PTPRK: variants seen among roughly 807,000 people sequenced by gnomAD.
The protein encoded by PTPRK is protein tyrosine phosphatase receptor type K.
Under a neutral mutation model 178.0 loss-of-function variants are expected in PTPRK, and 75 were observed. The observed-to-expected ratio is 0.42, with a 90% CI of 0.35 to 0.51. The LOEUF (loss-of-function observed/expected upper bound fraction) is 0.51. Among genes scored for constraint, PTPRK ranks in the 20% least tolerant of loss-of-function variants. The pLI is 0.02. For synonymous variants in PTPRK, 637 were observed against 620.6 expected (o/e 1.03, Z -0.39); for missense variants, 1,441 against 1,797.8 (o/e 0.80, Z 3.59).
chr6:128,430,578 T>A (rs1427278383), intron 1 of PTPRK, among the ~76,000 whole-genome samples: 1 of 152,152 alleles, frequency 6.6e-6, no homozygotes, highest in Non-Finnish European at 1.5e-5. Context: ...TGATAACTAG[T>A]GAAGCAGCTT....
chr6:128,334,769 C>A (rs944555662), intron 2 of PTPRK, among the ~76,000 whole-genome samples: 1 of 152,156 alleles, frequency 6.6e-6, no homozygotes, highest in African/African-American at 2.4e-5. Flanking sequence ...TCTCCCCCAT[C>A]ACCCAAATAA....
intron 13 of PTPRK, among the ~76,000 whole-genome samples, chr6:128,050,051 G>T (rs896738233): frequency 1.3e-5 from 2 of 152,082 alleles, no homozygotes; most frequent in African/African-American, 4.8e-5. Flanking sequence ...CAGGAGAATT[G>T]CTTGAACCCA....
At chr6:128,445,601 C>T (rs975236306) in intron 1 of PTPRK, among the ~76,000 whole-genome samples, 1 of 151,696 alleles carries the variant, frequency 6.6e-6, no homozygotes, top group Non-Finnish European at 1.5e-5. Flanking sequence ...GTTCTAATTA[C>T]AGTATACATT....
chr6:128,437,175 C>A (rs978313377), intron 1 of PTPRK, among the ~76,000 whole-genome samples: 3 of 152,076 alleles, frequency 2.0e-5, no homozygotes, highest in Non-Finnish European at 4.4e-5. Flanking sequence ...CTGTATAAGA[C>A]CCAGAACTTA....
chr6:128,032,368 G>A (rs1056351338), intron 13 of PTPRK, among the ~76,000 whole-genome samples: 10 of 152,150 alleles, frequency 6.6e-5, no homozygotes, highest in African/African-American at 2.2e-4. Flanking sequence ...GCCTGCACTA[G>A]TTTAGCCAGT....
intron 7 of PTPRK, among the ~76,000 whole-genome samples, chr6:128,129,238 C>T (rs1170205465): frequency 6.6e-6 from 1 of 152,162 alleles, no homozygotes; most frequent in Non-Finnish European, 1.5e-5. Context: ...ACTGATTTTT[C>T]AGTACCTCTC....
At chr6:128,226,669 A>G (rs1285933091) in intron 5 of PTPRK, among the ~76,000 whole-genome samples, 1 of 150,926 alleles carries the variant, frequency 6.6e-6, no homozygotes, top group Admixed American at 6.6e-5. Flanking sequence ...TGCCTAGCCA[A>G]TCTGCACAAG....
At chr6:128,490,999 T>C (rs1422044323) in intron 1 of PTPRK, among the ~76,000 whole-genome samples, 1 of 152,218 alleles carries the variant, frequency 6.6e-6, no homozygotes, top group Non-Finnish European at 1.5e-5. Flanking sequence ...TACCTCCAAA[T>C]ACAATCACAT....
At chr6:128,095,513 G>A (rs1223490241) in intron 7 of PTPRK, among the ~76,000 whole-genome samples, 3 of 152,142 alleles carry the variant, frequency 2.0e-5, no homozygotes, top group African/African-American at 7.2e-5. Flanking sequence ...GGATGAGGAA[G>A]GGGTTCATTG....
At chr6:128,219,442 C>T (rs1039319089) in intron 5 of PTPRK, among the ~76,000 whole-genome samples, 2 of 152,160 alleles carry the variant, frequency 1.3e-5, no homozygotes, top group Non-Finnish European at 2.9e-5. Context: ...CAGTAGAGTT[C>T]GTGCTCCTAT....
chr6:128,441,732 G>T (rs1846310237), intron 1 of PTPRK, among the ~76,000 whole-genome samples: 1 of 152,190 alleles, frequency 6.6e-6, no homozygotes, highest in African/African-American at 2.4e-5. Flanking sequence ...CAAAAGATTA[G>T]TAATTTAAGA....
At chr6:128,069,027 C>T (rs1269093725) in intron 11 of PTPRK, among the ~76,000 whole-genome samples, 1 of 151,792 alleles carries the variant, frequency 6.6e-6, no homozygotes, top group Non-Finnish European at 1.5e-5. Context: ...AAAATTAAAA[C>T]AGTTTAGACT....
intron 3 of PTPRK, among the ~76,000 whole-genome samples, chr6:128,254,117 T>C (rs188419338): frequency 1.6e-4 from 24 of 152,234 alleles, no homozygotes; most frequent in Admixed American, 1.5e-3. Flanking sequence ...AAAAAATTAG[T>C]TATGGTTGGA....
intron 7 of PTPRK, among the ~76,000 whole-genome samples, chr6:128,117,123 G>C (rs1308058766): frequency 6.6e-6 from 1 of 151,944 alleles, no homozygotes; most frequent in Non-Finnish European, 1.5e-5. Context: ...TCCAGCCTGG[G>C]AGACAGAACA....
At position 128,319,890 on chromosome 6, in the gene PTPRK, AT is replaced by A. The variant is rs753725279; in HGVS notation, c.495+2148del. Among the ~76,000 whole-genome samples, 20 of 152,320 alleles carry A rather than the reference AT, an allele frequency of 1.3e-4. No homozygotes were observed. In the Middle Eastern group the frequency reaches 0.017, roughly 130 times the overall value. On this transcript the variant is annotated intron_variant, in intron 3 of 29. Transcript: ENST00000368226. ...AATTGATAAAAACATCAAACAAGTA[AT>A]TTACTGAGCACTAAGCACATGAATA...
chr6:128,172,824 A>C (rs2114652785), intron 7 of PTPRK, among the ~76,000 whole-genome samples: 1 of 152,016 alleles, frequency 6.6e-6, no homozygotes, highest in Non-Finnish European at 1.5e-5. Flanking sequence ...GCATATATAC[A>C]TATATATTCT....
chr6:128,165,840 A>G (rs563079046), intron 7 of PTPRK, among the ~76,000 whole-genome samples: 3 of 151,696 alleles, frequency 2.0e-5, no homozygotes, highest in African/African-American at 7.2e-5. Context: ...AGTTTATATC[A>G]CAGAACAACT....
chr6:128,244,078 A>G (rs1318362507), intron 3 of PTPRK, among the ~76,000 whole-genome samples: 1 of 152,236 alleles, frequency 6.6e-6, no homozygotes, highest in African/African-American at 2.4e-5. Context: ...TTTCTGGCTT[A>G]GACTACTAGG....
rs761100220 is a variant in PTPRK at position 127,995,422 on chromosome 6, A to AGC, written c.2844+38_2844+39dup. The AGC allele has an allele frequency of 3.8e-5, 56 of 1,490,500 alleles. 1 individual carries two copies. The African/African-American group carries it at 6.8e-4, about 18-fold the overall frequency. 92.3% of individuals were successfully genotyped at this position (1,490,500 alleles called of 1,614,324 possible). Reference sequence around the variant, plus strand: ...ATAAGCAAAAAGGTTCATATATATAAGCCAATAAAGTAGACATACTTAACT... The same window carrying AGC: ...ATAAGCAAAAAGGTTCATATATATAAGCGCCAATAAAGTAGACATACTTAACT... On this transcript the variant is annotated intron_variant, in intron 18 of 29. Transcript: ENST00000368226.
Sources: allele counts gnomAD v4.1 joint callset (sites outside exome capture counted in the v4.1 genomes callset), GRCh38; gene constraint gnomAD v4.1.1; transcripts MANE v1.5; gene names NCBI Gene and HGNC (gene_info 2026-07-23, HGNC 2026-07-21).